Variants in KLF12 observed in about 807,000 individuals in gnomAD.
The protein encoded by KLF12 is Krueppel-like factor 12.
In KLF12, 9 loss-of-function variants were observed where a neutral mutation model predicts 37.8. That is an observed-to-expected ratio of 0.24 (90% CI 0.14 to 0.42). KLF12 has a LOEUF of 0.42. Among genes scored for constraint, KLF12 ranks in the 10% least tolerant of loss-of-function variants. The pLI is 1.00. For synonymous variants in KLF12, 208 were observed against 202.1 expected (o/e 1.03, Z -0.25); for missense variants, 411 against 516.0 (o/e 0.80, Z 1.97).
the KLF12 span, among the ~76,000 whole-genome samples, chr13:74,233,048 G>A: frequency 6.6e-5 from 10 of 151,986 alleles, no homozygotes; most frequent in Non-Finnish European, 1.3e-4. Flanking sequence ...ACCATGCCTG[G>A]CTAATTTTTT....
intron 1 of KLF12, among the ~76,000 whole-genome samples, chr13:74,127,207 G>A (rs1295981269): frequency 6.6e-6 from 1 of 152,140 alleles, no homozygotes; most frequent in Non-Finnish European, 1.5e-5. Flanking sequence ...ATACACTAGA[G>A]CAAATATTTA....
intron 3 of KLF12, among the ~76,000 whole-genome samples, chr13:73,861,812 A>G (rs1322245048): frequency 6.6e-6 from 1 of 152,106 alleles, no homozygotes; most frequent in Non-Finnish European, 1.5e-5. Context: ...CGGCTTAGGT[A>G]CTGGTATGAA....
chr13:73,863,320 G>A (rs1410290819), intron 3 of KLF12, among the ~76,000 whole-genome samples: 1 of 152,078 alleles, frequency 6.6e-6, no homozygotes, highest in Non-Finnish European at 1.5e-5. Flanking sequence ...CAGTATTGTA[G>A]AGGTGTTACG....
At chr13:73,964,606 TAAA>T (rs71115627) in intron 2 of KLF12, among the ~76,000 whole-genome samples, 8 of 137,394 alleles carry the variant, frequency 5.8e-5, no homozygotes, top group Non-Finnish European at 3.1e-5. Flanking sequence ...CGTCTCTACT[TAAA>T]AAAAAAAAAA....
In KLF12 at chr13:73,686,652, T is replaced by C. The variant is rs1412703929; in HGVS notation, c.*8838A>G. The C allele has an allele frequency of 1.3e-5, 2 of 152,452 alleles. No homozygotes were observed. Among genetic ancestry groups the C allele is most frequent in the Non-Finnish European group, 2.9e-5 (2 of 68,022 alleles). 9.4% of individuals were successfully genotyped at this position (152,452 alleles called of 1,614,324 possible). The stretch of plus-strand genomic sequence containing the variant: ...ATCACTGGGGGGCTTTATCCTTTAA[T>C]GTGTAGGACCTCCTCTGGGCACTCT... On this transcript the variant is annotated 3_prime_UTR_variant, in exon 8 of 8. Transcript: ENST00000377669.
chr13:73,941,810 T>G (rs1340249190), intron 3 of KLF12, among the ~76,000 whole-genome samples: 2 of 152,106 alleles, frequency 1.3e-5, no homozygotes, highest in African/African-American at 4.8e-5. Context: ...TGAAATTGTA[T>G]CTGTCATATA....
At chr13:74,171,415 G>C in the KLF12 span, among the ~76,000 whole-genome samples, 2 of 152,086 alleles carry the variant, frequency 1.3e-5, no homozygotes, top group African/African-American at 4.8e-5. Context: ...GGCAGTGAGC[G>C]GAGGGACTCT....
chr13:73,848,874 A>T (rs1336051294), intron 3 of KLF12, among the ~76,000 whole-genome samples: 1 of 152,142 alleles, frequency 6.6e-6, no homozygotes, highest in African/African-American at 2.4e-5. Context: ...CCTTTTTCAT[A>T]TGTGGCAGCT....
chr13:74,160,851 G>A, the KLF12 span, among the ~76,000 whole-genome samples: 58,893 of 151,896 alleles, frequency 0.39, 13,084 homozygotes, highest in East Asian at 0.78. Context: ...CACAAGGCTC[G>A]TTGTTTTGTG....
At chr13:73,843,970 T>C (rs1178807277) in intron 4 of KLF12, among the ~76,000 whole-genome samples, 1 of 152,142 alleles carries the variant, frequency 6.6e-6, no homozygotes, top group Non-Finnish European at 1.5e-5. Context: ...GCAATATTAC[T>C]TTATATATAC....
chr13:73,845,018 C>T (rs2138679749), intron 4 of KLF12: 1 of 152,140 alleles, frequency 6.6e-6, no homozygotes, highest in Non-Finnish European at 1.5e-5. Context: ...ACCGCAATTT[C>T]TTCTAGTAAA....
At chr13:73,804,095 C>T (rs1332058612) in intron 5 of KLF12, among the ~76,000 whole-genome samples, 1 of 152,144 alleles carries the variant, frequency 6.6e-6, no homozygotes. Flanking sequence ...CTGCATCTCC[C>T]ATCTCACCTC....
chr13:74,144,696 T>A, the KLF12 span, among the ~76,000 whole-genome samples: 54 of 152,298 alleles, frequency 3.5e-4, no homozygotes, highest in Admixed American at 5.9e-4. Flanking sequence ...GTCTAAGTAT[T>A]AAGATGATAG....
the KLF12 span, among the ~76,000 whole-genome samples, chr13:74,244,743 C>A: frequency 6.6e-6 from 1 of 152,124 alleles, no homozygotes; most frequent in Non-Finnish European, 1.5e-5. Flanking sequence ...TGTCCTACTC[C>A]TTTTAATGCT....
chr13:73,896,566 T>A lies in KLF12; in HGVS notation c.123+47415A>T, dbSNP rs145709473. 3.7e-3 allele frequency among the ~76,000 whole-genome samples: 565 copies of A among 152,316 alleles called. 2 individuals are homozygous for A. Among genetic ancestry groups the A allele is most frequent in the Non-Finnish European group, 5.2e-3 (354 of 68,028 alleles). Reference sequence around the variant, plus strand: ...TATGAAGGAATTGTTAATAGAGAAATCATTAGAGCAGCATAGTGAGGTGTG... The same window carrying A: ...TATGAAGGAATTGTTAATAGAGAAAACATTAGAGCAGCATAGTGAGGTGTG... On this transcript the variant is annotated intron_variant, in intron 3 of 7. Transcript: ENST00000377669.
chr13:73,734,015 C>T (rs547908535), intron 6 of KLF12, among the ~76,000 whole-genome samples: 60 of 152,294 alleles, frequency 3.9e-4, no homozygotes, highest in African/African-American at 1.3e-3. Flanking sequence ...GTTGAGCGTC[C>T]TCTGCTCCGC....
Position 74,050,864 on chromosome 13 carries a change from A to G in KLF12, c.-31-55811T>C, listed in dbSNP as rs146548523. On this transcript the variant is annotated intron_variant, in intron 1 of 7. Transcript: ENST00000377669. The stretch of plus-strand genomic sequence containing the variant: ...CAAAATATAAAAGGAACTCAATAGC[A>G]AGAAAACAGGCAAAAAAAATCTAAA... Among the ~76,000 whole-genome samples, 601 of 152,338 alleles carry G rather than the reference A, an allele frequency of 3.9e-3. 3 individuals carry two copies. The highest frequency in any genetic ancestry group is 0.013 in the African/African-American group (559 of 41,580).
chr13:73,976,945 T>G (rs1031170604), intron 2 of KLF12, among the ~76,000 whole-genome samples: 13 of 152,046 alleles, frequency 8.6e-5, no homozygotes, highest in African/African-American at 2.7e-4. Context: ...GATGGGAGAC[T>G]GGCCAAGCAA....
Position 74,111,887 on chromosome 13 carries a change from C to T in KLF12, c.-32+21852G>A, listed in dbSNP as rs557786751. ...AAAAAGGCAAATATATTACAGAAAACTAGATCATTTTTTGGCTATTTCTAA... is the reference window on the plus strand; with the variant it reads ...AAAAAGGCAAATATATTACAGAAAATTAGATCATTTTTTGGCTATTTCTAA... On this transcript the variant is annotated intron_variant, in intron 1 of 7. Transcript: ENST00000377669. Among the ~76,000 whole-genome samples, 29 of 152,252 alleles carry T rather than the reference C, an allele frequency of 1.9e-4. 2 individuals are homozygous for T. The South Asian group carries it at 6.0e-3, about 32-fold the overall frequency.
Sources: allele counts gnomAD v4.1 joint callset (sites outside exome capture counted in the v4.1 genomes callset), GRCh38; gene constraint gnomAD v4.1.1; transcripts MANE v1.5; gene names NCBI Gene and HGNC (gene_info 2026-07-23, HGNC 2026-07-21).